Variants in USH1C observed in about 807,000 individuals in gnomAD.
USH1C encodes USH1 protein network component harmonin.
A neutral mutation model predicts 119.3 loss-of-function variants in USH1C; 90 were observed. The observed-to-expected ratio is 0.75, with a 90% CI of 0.64 to 0.90. The LOEUF (loss-of-function observed/expected upper bound fraction) is 0.90, where lower values mean the gene tolerates loss of function less well. Ranked by LOEUF, USH1C falls within the 40% of genes least tolerant of loss-of-function variation. The probability of loss-of-function intolerance (pLI) is 0.00; values close to 1 mark genes in which losing one functional copy is unlikely to be tolerated. For missense variants in USH1C, 1,165 were observed against 1,167.7 expected (o/e 1.00, Z 0.03); for synonymous variants, 465 against 443.3 (o/e 1.05, Z -0.62).
At chr11:17,498,098 T>G (rs1204789788) in intron 24 of USH1C, 64 bp downstream of exon 24, 3 of 1,483,042 alleles carry the variant, frequency 2.0e-6, no homozygotes, top group South Asian at 2.3e-5. Flanking sequence ...GAGACCTGGC[T>G]GCAGAGGCCA....
intron 18 of USH1C, among the ~76,000 whole-genome samples, chr11:17,508,353 C>T (rs1486817770): frequency 6.6e-6 from 1 of 152,188 alleles, no homozygotes; most frequent in Non-Finnish European, 1.5e-5. Context: ...TCCCACCTTC[C>T]TTGTAAGCTC....
At chr11:17,526,718 C>CA (rs373486207) in intron 7 of USH1C, 35 bp downstream of exon 7, 4 of 1,608,632 alleles carry the variant, frequency 2.5e-6, no homozygotes, top group African/African-American at 1.3e-5. Context: ...AAGATGACCC[C>CA]ACCCAAACCC....
intron 18 of USH1C, among the ~76,000 whole-genome samples, chr11:17,506,674 T>TC (rs1849662643): frequency 6.6e-6 from 1 of 152,202 alleles, no homozygotes; most frequent in African/African-American, 2.4e-5. Flanking sequence ...CCTTGAGGCC[T>TC]TTGCACGTGC....
At chr11:17,520,061 A>G (rs2133864514) in intron 14 of USH1C, among the ~76,000 whole-genome samples, 1 of 152,310 alleles carries the variant, frequency 6.6e-6, no homozygotes, top group Non-Finnish European at 1.5e-5. Flanking sequence ...GTCAACTATA[A>G]GTCAAAACAG....
chr11:17,521,691 C>A (rs1850421076), intron 12 of USH1C, among the ~76,000 whole-genome samples: 1 of 152,204 alleles, frequency 6.6e-6, no homozygotes, highest in African/African-American at 2.4e-5. Flanking sequence ...CCTCCAAACA[C>A]TTAGGTAAGG....
intron 1 of USH1C, among the ~76,000 whole-genome samples, chr11:17,541,021 G>C (rs7112757): frequency 1.3e-5 from 2 of 151,970 alleles, no homozygotes; most frequent in African/African-American, 4.8e-5. Context: ...CCATACAGGC[G>C]GGCATCTGCT....
chr11:17,525,399 A>G (rs542753075), intron 8 of USH1C, among the ~76,000 whole-genome samples: 20 of 152,392 alleles, frequency 1.3e-4, no homozygotes, highest in African/African-American at 3.8e-4. Context: ...GAATGAAAGG[A>G]AAGAACAGGG....
At chr11:17,516,182 A>G (rs1850135233) in intron 15 of USH1C, 59 bp downstream of exon 15, 1 of 1,595,194 alleles carries the variant, frequency 6.3e-7, no homozygotes, top group Non-Finnish European at 8.6e-7. Context: ...TGTTTGGGAA[A>G]AGCCAAAACC....
In USH1C at chr11:17,516,304, A is replaced by G. The variant is rs774618089; in HGVS notation, c.1211-14T>C. 13 of 1,611,920 alleles carry G rather than the reference A, an allele frequency of 8.1e-6. No individual in the cohort carries two copies. The South Asian group carries it at 1.3e-4, about 17-fold the overall frequency. Reference sequence around the variant, plus strand: ...ACCATCCAAAAGCTATAAGACACAGATAACAAAATGATGAGACACAGTTCA... The same window carrying G: ...ACCATCCAAAAGCTATAAGACACAGGTAACAAAATGATGAGACACAGTTCA... On this transcript the variant is annotated splice_polypyrimidine_tract_variant and intron_variant, in intron 14 of 26. Transcript: ENST00000005226.
At chr11:17,495,497 C>T in intron 26 of USH1C, 72 bp downstream of exon 26, 2 of 1,479,816 alleles carry the variant, frequency 1.4e-6, no homozygotes, top group South Asian at 1.1e-5. Flanking sequence ...AACCTGCTGA[C>T]AGCGTGGGCA....
rs775496999 is a variant in USH1C at position 17,526,346 on chromosome 11, C to T, written c.674+1G>A. 3 of 1,613,224 alleles carry T rather than the reference C, an allele frequency of 1.9e-6. No individual in the cohort carries two copies. Among genetic ancestry groups the T allele is most frequent in the Non-Finnish European group, 2.5e-6 (3 of 1,179,476 alleles). On this transcript the variant is annotated splice_donor_variant, in intron 8 of 26. Coordinates refer to ENST00000005226, the MANE Select transcript of USH1C (RefSeq NM_153676.4). LOFTEE classifies it high-confidence loss of function. The stretch of plus-strand genomic sequence containing the variant: ...GACCCCAGGGCATGCCTGCCACCCA[C>T]CTGCAGCCAAGGCCTCGGGAGCCTA...
At chr11:17,517,391 G>A in intron 14 of USH1C, 1 of 1,573,786 alleles carries the variant, frequency 6.4e-7, no homozygotes. Context: ...AGCAAAGCGG[G>A]GACGCGAACC....
chr11:17,531,311 C>G lies in USH1C; in HGVS notation c.249-19G>C. 1.2e-6 allele frequency: 2 copies of G among 1,614,126 alleles called. No homozygotes were observed. Among genetic ancestry groups the G allele is most frequent in the Non-Finnish European group, 1.7e-6 (2 of 1,180,032 alleles). Reference sequence around the variant, plus strand: ...CAGCTTCCTGCCACACAGGAGAGGTCGGTGATGGTGCAGCTTGGCTGCCAG... The same window carrying G: ...CAGCTTCCTGCCACACAGGAGAGGTGGGTGATGGTGCAGCTTGGCTGCCAG... On this transcript the variant is annotated intron_variant, in intron 3 of 26. Coordinates refer to ENST00000005226, the MANE Select transcript of USH1C (RefSeq NM_153676.4). The surrounding 1 kb of genome is among the most constrained non-coding windows in gnomAD (Gnocchi z 4.2).
intron 15 of USH1C, among the ~76,000 whole-genome samples, chr11:17,513,761 G>A (rs1850008692): frequency 6.6e-6 from 1 of 152,070 alleles, no homozygotes; most frequent in African/African-American, 2.4e-5. Context: ...GCTTGCTAGA[G>A]TAAGAGCCTG....
intron 1 of USH1C, chr11:17,533,702 G>T (rs1427542683): frequency 2.1e-6 from 1 of 482,278 alleles, no homozygotes; most frequent in Non-Finnish European, 4.1e-6. Context: ...ATGGCCAGAA[G>T]AAGCCCACTG....
intron 14 of USH1C, among the ~76,000 whole-genome samples, chr11:17,519,047 C>T (rs1484298270): frequency 6.6e-6 from 1 of 151,848 alleles, no homozygotes; most frequent in Non-Finnish European, 1.5e-5. Context: ...GCAGGGCCCA[C>T]CCCTTGCAGG....
chr11:17,502,113 G>A (rs1462693169), intron 20 of USH1C, 133 bp from the exon 21 acceptor site: 2 of 862,924 alleles, frequency 2.3e-6, no homozygotes, highest in South Asian at 1.8e-5. Flanking sequence ...CACGGCCAGG[G>A]TACGGGATGC....
At chr11:17,504,600 C>CAGAGT in intron 20 of USH1C, 47 bp downstream of exon 20, 1 of 1,602,466 alleles carries the variant, frequency 6.2e-7, no homozygotes, top group Non-Finnish European at 8.6e-7. Flanking sequence ...GTGGGAGGGA[C>CAGAGT]GGGGGTGGTG....
chr11:17,523,303 C>G, intron 10 of USH1C, 36 bp from the exon 11 acceptor site: 1 of 1,614,146 alleles, frequency 6.2e-7, no homozygotes, highest in East Asian at 2.2e-5. Context: ...CGAGGCCTGA[C>G]AGACCACAGC....
Sources: allele counts gnomAD v4.1 joint callset (sites outside exome capture counted in the v4.1 genomes callset), GRCh38; gene constraint gnomAD v4.1.1; non-coding constraint Gnocchi (gnomAD v3.1); transcripts MANE v1.5; gene names NCBI Gene and HGNC (gene_info 2026-07-23, HGNC 2026-07-21).